Variants in PCK2 observed in about 807,000 individuals in gnomAD.
PCK2 encodes the protein phosphoenolpyruvate carboxykinase 2, mitochondrial.
PCK2 carries 56 observed loss-of-function variants against 65.9 expected under a neutral mutation model. That is an observed-to-expected ratio of 0.85 (90% CI 0.69 to 1.06). PCK2 has a LOEUF of 1.06. PCK2 is among the 50% of genes least tolerant of loss of function. The pLI, the probability that PCK2 is intolerant of heterozygous loss-of-function variation, is 0.00. For missense variants in PCK2, 843 were observed against 863.1 expected (o/e 0.98, Z 0.29); for synonymous variants, 305 against 319.6 (o/e 0.95, Z 0.49).
Position 24,100,039 on chromosome 14 carries a change from G to T in PCK2, c.1060G>T (p.Ala354Ser). The change falls in exon 7 of 10, where the codon GCC (alanine) becomes TCC (serine). Residue 354 changes from alanine (A) to serine (S), a missense_variant. Transcript: ENST00000216780. Reference protein sequence around the residue: ...INPENGFFGVAPGTSATTNPN... With the variant: ...INPENGFFGVSPGTSATTNPN... Reference sequence around the variant, plus strand: ...CCCTGAGAACGGCTTCTTTGGGGTTGCCCCTGGTACCTCTGCCACCACCAA... The same window carrying T: ...CCCTGAGAACGGCTTCTTTGGGGTTTCCCCTGGTACCTCTGCCACCACCAA... 1 of 1,613,910 alleles carries T rather than the reference G, an allele frequency of 6.2e-7. No homozygotes were observed. Among genetic ancestry groups the T allele is most frequent in the East Asian group, 2.2e-5 (1 of 44,888 alleles).
chr14:24,102,595 C>G lies in PCK2; in HGVS notation c.1235-158C>G, dbSNP rs374558828. ...TAAACAACCTGAGCTCTTGGAGATG[C>G]CCTGGCTCCCCTCTCTCTGCTCCTT... is the stretch of plus-strand genomic sequence containing the variant. On this transcript the variant is annotated intron_variant, in intron 7 of 9. Coordinates refer to ENST00000216780, the MANE Select transcript of PCK2 (RefSeq NM_004563.4). 2.7e-4 allele frequency: 170 copies of G among 633,572 alleles called. 1 individual carries two copies. In the African/African-American group the frequency reaches 2.9e-3, roughly 11 times the overall value. The allele number at this position is 633,572 out of a possible 1,614,324, so 39.2% of individuals were successfully genotyped here.
At position 24,097,130 on chromosome 14, in the gene PCK2, A is replaced by G. The variant is rs2036922052; in HGVS notation, c.268A>G (p.Asn90Asp). The change falls in exon 2 of 10, where the codon AAT (asparagine) becomes GAT (aspartate). Residue 90 changes from asparagine to aspartate, a missense_variant. Asn to Asp is a conservative substitution (Grantham distance 23). Transcript: ENST00000216780. ...CCTCATCCGAAAGCTCCCCAAGTAC[A>G]ATAACTGGTAAGCCTTGGGCTCCAC... The part of the protein sequence containing the change: ...QGLIRKLPKY[N>D]NCWLARTDPK... The G allele has an allele frequency of 1.2e-6, 2 of 1,613,794 alleles. No homozygotes were observed. The highest frequency in any genetic ancestry group is 1.7e-6 in the Non-Finnish European group (2 of 1,179,886).
At chr14:24,098,163 C>G (rs1157570850) in intron 2 of PCK2, 40 bp from the exon 3 acceptor site, 1 of 1,551,582 alleles carries the variant, frequency 6.4e-7, no homozygotes, top group Non-Finnish European at 8.7e-7. Flanking sequence ...CAAGGGAAAC[C>G]TGCTGGCCAC....
rs921440575 is a variant in PCK2, at chr14:24,094,326, G to C, written c.-80G>C. The C allele has an allele frequency of 4.9e-5, 69 of 1,395,528 alleles. No homozygotes were observed. The highest frequency in any genetic ancestry group is 2.6e-5 in the East Asian group (1 of 37,856). The allele number at this position is 1,395,528 out of a possible 1,614,324, so 86.4% of individuals were successfully genotyped here. On this transcript the variant is annotated 5_prime_UTR_variant, in exon 1 of 10. Transcript: ENST00000216780. The surrounding 1 kb of genome is among the most constrained non-coding windows in gnomAD (Gnocchi z 4.1). ...AGCCTCTGCTGTGGCTCGCTTCGCC[G>C]CGCTCCCTCCTTCCCCGCCTTCCAT...
Position 24,094,688 on chromosome 14 carries a change from G to A in PCK2, c.29+254G>A. On this transcript the variant is annotated intron_variant, in intron 1 of 9. Transcript: ENST00000216780. This position sits in a 1 kb window ranked among gnomAD's most constrained non-coding sequence, Gnocchi z 4.1. ...GCCTCTGACCGCGCGATCTCTATCT[G>A]CCACTCTCAGAACTTCCTCTCTCTC... is the stretch of plus-strand genomic sequence containing the variant. The A allele has an allele frequency of 6.6e-6, 10 of 1,520,428 alleles. No homozygotes were observed. Among genetic ancestry groups the A allele is most frequent in the Non-Finnish European group, 8.8e-6 (10 of 1,137,456 alleles). 94.2% of individuals were successfully genotyped at this position (1,520,428 alleles called of 1,614,324 possible). A position where few individuals can be genotyped will look rare whatever the true frequency, so the allele number is the denominator to read the frequency against.
At chr14:24,096,320 C>T (rs1449599573) in intron 1 of PCK2, among the ~76,000 whole-genome samples, 1 of 143,752 alleles carries the variant, frequency 7.0e-6, no homozygotes, top group Non-Finnish European at 1.5e-5. Flanking sequence ...CTCACTGCAA[C>T]CTCCACCTCC....
intron 7 of PCK2, among the ~76,000 whole-genome samples, chr14:24,101,540 T>C (rs773807811): frequency 5.3e-5 from 8 of 152,220 alleles, no homozygotes; most frequent in Non-Finnish European, 1.2e-4. Context: ...TCCCTACCCA[T>C]GTGATATCCC....
rs201990888 is a variant in PCK2, at chr14:24,095,039, T to TA, written c.29+606dup. 2,748 of 450,526 alleles carry TA rather than the reference T, an allele frequency of 6.1e-3. 22 individuals are homozygous for TA. The highest frequency in any genetic ancestry group is 0.028 in the African/African-American group (1,380 of 49,688). 27.9% of individuals were successfully genotyped at this position (450,526 alleles called of 1,614,324 possible). ...CGCCAAGTTGCCTTCGTTTCTTACA[T>TA]AGCTGGCTTCTTCCTCCGTCCAGGC... On this transcript the variant is annotated intron_variant, in intron 1 of 9. Coordinates refer to ENST00000216780, the MANE Select transcript of PCK2 (RefSeq NM_004563.4).
At chr14:24,096,858 A>G (rs1566573813) in intron 1 of PCK2, 34 bp from the exon 2 acceptor site, 4 of 1,593,788 alleles carry the variant, frequency 2.5e-6, no homozygotes, top group Non-Finnish European at 3.4e-6. Context: ...TCTCGATGAC[A>G]GCAACTAGCT....
rs944054659 is a variant in PCK2 at position 24,094,505 on chromosome 14, G to A, written c.29+71G>A. On this transcript the variant is annotated intron_variant, in intron 1 of 9. Coordinates refer to ENST00000216780, the MANE Select transcript of PCK2 (RefSeq NM_004563.4). This position sits in a 1 kb window ranked among gnomAD's most constrained non-coding sequence, Gnocchi z 4.1. Reference sequence around the variant, plus strand: ...TCGCCCCCTCGGGGCTGCCAGTGGCGCTCTCCTGCTCTCAGCCTCCGCCAG... The same window carrying A: ...TCGCCCCCTCGGGGCTGCCAGTGGCACTCTCCTGCTCTCAGCCTCCGCCAG... The A allele has an allele frequency of 1.9e-5, 28 of 1,457,374 alleles. No homozygotes were observed. The highest frequency in any genetic ancestry group is 5.8e-5 in the African/African-American group (4 of 69,042). The allele number at this position is 1,457,374 out of a possible 1,614,324, so 90.3% of individuals were successfully genotyped here. A position where few individuals can be genotyped will look rare whatever the true frequency, so the allele number is the denominator to read the frequency against.
chr14:24,100,075 A>G lies in PCK2; in HGVS notation c.1096A>G (p.Met366Val), dbSNP rs948281414. 1 of 1,612,930 alleles carries G rather than the reference A, an allele frequency of 6.2e-7. No homozygotes were observed. The highest frequency in any genetic ancestry group is 2.2e-5 in the East Asian group (1 of 44,888). ...CTCTGCCACCACCAATCCCAACGCC[A>G]TGGCTACAATCCAGAGTAACACTAT... ...GTSATTNPNA[M>V]ATIQSNTIFT... The change falls in exon 7 of 10, where the codon ATG (methionine) becomes GTG (valine). Residue 366 changes from methionine (M) to valine (V), a missense_variant. Coordinates refer to ENST00000216780, the MANE Select transcript of PCK2 (RefSeq NM_004563.4).
rs1342064454 is a variant in PCK2 at position 24,094,924 on chromosome 14, G to A, written c.29+490G>A. 2 of 1,080,192 alleles carry A rather than the reference G, an allele frequency of 1.9e-6. No homozygotes were observed. The highest frequency in any genetic ancestry group is 1.2e-6 in the Non-Finnish European group (1 of 804,622). 66.9% of individuals were successfully genotyped at this position (1,080,192 alleles called of 1,614,324 possible). On this transcript the variant is annotated intron_variant, in intron 1 of 9. Coordinates refer to ENST00000216780, the MANE Select transcript of PCK2 (RefSeq NM_004563.4). This position sits in a 1 kb window ranked among gnomAD's most constrained non-coding sequence, Gnocchi z 4.1. ...TAAATATCCATTCCCGGCCTCTCCC[G>A]GACTGGAAGGACTGGAACCTGGCGG...
In PCK2 at chr14:24,094,647, C is replaced by T. The variant is rs2036775699; in HGVS notation, c.29+213C>T. ...CTCCTCGTTTCCGCCTGCACCTCCCCTTCTCTGCCTCGCTCGCCTCTGACC... is the reference window on the plus strand; with the variant it reads ...CTCCTCGTTTCCGCCTGCACCTCCCTTTCTCTGCCTCGCTCGCCTCTGACC... On this transcript the variant is annotated intron_variant, in intron 1 of 9. Transcript: ENST00000216780. This position sits in a 1 kb window ranked among gnomAD's most constrained non-coding sequence, Gnocchi z 4.1. 37 of 1,492,456 alleles carry T rather than the reference C, an allele frequency of 2.5e-5. No homozygotes were observed. Among genetic ancestry groups the T allele is most frequent in the Non-Finnish European group, 3.3e-5 (37 of 1,122,372 alleles). 92.5% of individuals were successfully genotyped at this position (1,492,456 alleles called of 1,614,324 possible).
intron 6 of PCK2, 93 bp downstream of exon 6, chr14:24,099,813 A>C: frequency 1.3e-6 from 2 of 1,513,312 alleles, no homozygotes; most frequent in South Asian, 2.3e-5. Context: ...GTCAGTGAGA[A>C]AGTTTCCTGA....
rs189385990 is a variant in PCK2 at position 24,095,167 on chromosome 14, C to T, written c.29+733C>T. ...GCTTTTGTCCCAGAGTCGGAAGTGA[C>T]CCACATCTGTCGCACAGCCCGTTCC... On this transcript the variant is annotated intron_variant, in intron 1 of 9. Transcript: ENST00000216780. 1,163 of 456,122 alleles carry T rather than the reference C, an allele frequency of 2.5e-3. 28 individuals are homozygous for T. The Middle Eastern group carries it at 0.033, about 13-fold the overall frequency. 28.3% of individuals were successfully genotyped at this position (456,122 alleles called of 1,614,324 possible).
intron 6 of PCK2, 87 bp from the exon 7 acceptor site, chr14:24,099,908 C>T: frequency 6.2e-7 from 1 of 1,612,050 alleles, no homozygotes; most frequent in Non-Finnish European, 8.5e-7. Context: ...CATCTCAGGA[C>T]AGGGGTGGGT....
chr14:24,103,944 A>C lies in PCK2; in HGVS notation c.1903A>C (p.Arg635=). ...GTTGGCTGAGCTTGAGGCCCTGGAG[A>C]GACGTGTGCACAAAATGTGACCTGA... ...EVLAELEALE[R]RVHKM is the part of the protein sequence containing the mutation. The change falls in exon 10 of 10, where the codon AGA becomes CGA. Residue 635 remains arginine, a synonymous_variant. Coordinates refer to ENST00000216780, the MANE Select transcript of PCK2 (RefSeq NM_004563.4). The C allele has an allele frequency of 6.2e-7, 1 of 1,613,790 alleles. No individual in the cohort carries two copies. Among genetic ancestry groups the C allele is most frequent in the Non-Finnish European group, 8.5e-7 (1 of 1,179,900 alleles).
upstream of PCK2, chr14:24,094,216 G>A (rs796492173): frequency 3.4e-6 from 2 of 584,242 alleles, no homozygotes. This position sits in a 1 kb window ranked among gnomAD's most constrained non-coding sequence, Gnocchi z 4.1. Context: ...GAGCTGGCCT[G>A]CCAGCGGGGC....
Position 24,100,059 on chromosome 14 carries a change from C to T in PCK2, c.1080C>T (p.Thr360=), listed in dbSNP as rs2037095882. The change falls in exon 7 of 10, where the codon ACC becomes ACT. Residue 360 remains threonine (T), a synonymous_variant. Coordinates refer to ENST00000216780, the MANE Select transcript of PCK2 (RefSeq NM_004563.4). ...FFGVAPGTSA[T]TNPNAMATIQ... is the part of the protein sequence containing the mutation. ...GGGTTGCCCCTGGTACCTCTGCCAC[C>T]ACCAATCCCAACGCCATGGCTACAA... The T allele has an allele frequency of 1.9e-6, 3 of 1,613,246 alleles. No homozygotes were observed. The highest frequency in any genetic ancestry group is 1.7e-5 in the Admixed American group (1 of 59,946).
Sources: gnomAD v4.1 joint callset for allele counts (sites outside exome capture counted in the v4.1 genomes callset) on GRCh38, gnomAD v4.1.1 for gene constraint, Gnocchi (gnomAD v3.1) non-coding constraint, MANE v1.5 for transcripts, NCBI Gene and HGNC (gene_info 2026-07-23, HGNC 2026-07-21) for gene names.